Variants in TPD52L1 observed in about 807,000 individuals in gnomAD.
TPD52L1 encodes the protein TPD52 like 1, also known as tumor protein D53.
TPD52L1 carries 18 observed loss-of-function variants against 28.7 expected under a neutral mutation model. The observed-to-expected ratio is 0.63, with a 90% CI of 0.43 to 0.93. The LOEUF is 0.93. TPD52L1 is among the 40% of genes least tolerant of loss of function. The pLI is 0.00. For synonymous variants in TPD52L1, 75 were observed against 88.8 expected (o/e 0.84, Z 0.88); for missense variants, 203 against 254.8 (o/e 0.80, Z 1.39).
chr6:125,204,038 A>G (rs1383294981), intron 1 of TPD52L1, among the ~76,000 whole-genome samples: 1 of 152,160 alleles, frequency 6.6e-6, no homozygotes, highest in Non-Finnish European at 1.5e-5. Context: ...TCAGTTTTCA[A>G]CTTGTCAGGA....
chr6:125,178,656 A>ATATATATATATATATATAT, intron 1 of TPD52L1, among the ~76,000 whole-genome samples: 1 of 149,718 alleles, frequency 6.7e-6, no homozygotes, highest in African/African-American at 2.5e-5. Context: ...AAAACAAAAC[A>ATATATATATATATATATAT]AAATATATAT....
chr6:125,261,669 T>G (rs1407066300), intron 6 of TPD52L1: 1 of 151,922 alleles, frequency 6.6e-6, no homozygotes, highest in Non-Finnish European at 1.5e-5. Context: ...TACATGTTTT[T>G]TTTCCTTTTT....
At chr6:125,171,151 C>T (rs1791273915) in intron 1 of TPD52L1, among the ~76,000 whole-genome samples, 1 of 152,176 alleles carries the variant, frequency 6.6e-6, no homozygotes, top group South Asian at 2.1e-4. Flanking sequence ...TCTTAGGCCC[C>T]ACCCATTTCT....
At chr6:125,244,887 G>C (rs755640289) in intron 3 of TPD52L1, among the ~76,000 whole-genome samples, 17 of 152,202 alleles carry the variant, frequency 1.1e-4, no homozygotes, top group Admixed American at 5.9e-4. Context: ...AAGGCCTGCT[G>C]TTCACATTCT....
At chr6:125,238,158 C>A (rs1407932062) in intron 3 of TPD52L1, among the ~76,000 whole-genome samples, 1 of 152,126 alleles carries the variant, frequency 6.6e-6, no homozygotes, top group Non-Finnish European at 1.5e-5. Context: ...CTAGTTAATC[C>A]AAGTGTTCAA....
intron 2 of TPD52L1, among the ~76,000 whole-genome samples, chr6:125,227,338 G>A (rs915110599): frequency 6.6e-6 from 1 of 152,166 alleles, no homozygotes; most frequent in Non-Finnish European, 1.5e-5. Context: ...GAAAGACTGG[G>A]GGGTTTTATT....
rs1426352513 is a variant in TPD52L1 at position 125,169,725 on chromosome 6, C to A, written c.19+15755C>A. ...CTGCAGGAGCCTCCTAGCAGGCCTC[C>A]CTGCCTTGGTCCTGGACTGCCTTCA... On this transcript the variant is annotated intron_variant, in intron 1 of 6. Transcript: ENST00000534000. 2.0e-5 allele frequency among the ~76,000 whole-genome samples: 3 copies of A among 152,130 alleles called. No individual in the cohort carries two copies. The East Asian group carries it at 5.8e-4, about 29-fold the overall frequency.
chr6:125,210,964 A>C (rs524394), intron 1 of TPD52L1, among the ~76,000 whole-genome samples: 88,507 of 152,074 alleles, frequency 0.58, 27,859 homozygotes, highest in African/African-American at 0.83. Context: ...TCACTATACT[A>C]TCTTGCAATC....
chr6:125,201,584 T>C (rs552148313), intron 1 of TPD52L1, among the ~76,000 whole-genome samples: 7 of 152,182 alleles, frequency 4.6e-5, no homozygotes, highest in Non-Finnish European at 8.8e-5. Context: ...AAGCCAACAA[T>C]GTGTGGTTAA....
At chr6:125,222,443 A>G (rs1012200281) in intron 2 of TPD52L1, among the ~76,000 whole-genome samples, 1 of 152,140 alleles carries the variant, frequency 6.6e-6, no homozygotes, top group Non-Finnish European at 1.5e-5. Flanking sequence ...GGAGTCAGGC[A>G]CTCAGTTGTG....
intron 6 of TPD52L1, among the ~76,000 whole-genome samples, chr6:125,258,100 G>A (rs1233523302): frequency 6.6e-6 from 1 of 152,212 alleles, no homozygotes; most frequent in Non-Finnish European, 1.5e-5. Context: ...GAGGTTGTAA[G>A]TTATTCCTTA....
rs571030582 is a variant in TPD52L1, at chr6:125,192,099, A to G, written c.20-27979A>G. Among the ~76,000 whole-genome samples the G allele has an allele frequency of 2.6e-5, 4 of 152,238 alleles. No homozygotes were observed. The South Asian group carries it at 6.2e-4, about 24-fold the overall frequency. ...CCCTTAGGGCCTTTGTTGTAGGAGA[A>G]TAGTGGGAGGGGCTGAGGTTGGCTT... is the stretch of plus-strand genomic sequence containing the variant. On this transcript the variant is annotated intron_variant, in intron 1 of 6. Transcript: ENST00000534000.
In TPD52L1 at chr6:125,263,095, C is replaced by A; in HGVS notation, c.*133C>A. ...CTTGACATTGTTATTCAAATGGCCC[C>A]TCCAGAAAGTTTAATGATTTCCATT... On this transcript the variant is annotated 3_prime_UTR_variant, in exon 7 of 7. Transcript: ENST00000534000. 1 of 1,107,860 alleles carries A rather than the reference C, an allele frequency of 9.0e-7. No homozygotes were observed. The highest frequency in any genetic ancestry group is 1.2e-6 in the Non-Finnish European group (1 of 805,560). 68.6% of individuals were successfully genotyped at this position (1,107,860 alleles called of 1,614,324 possible). A position where few individuals can be genotyped will look rare whatever the true frequency, so the allele number is the denominator to read the frequency against.
intron 3 of TPD52L1, among the ~76,000 whole-genome samples, chr6:125,235,620 G>A (rs954209558): frequency 6.6e-6 from 1 of 152,080 alleles, no homozygotes; most frequent in Non-Finnish European, 1.5e-5. Flanking sequence ...TGGGGTCTCT[G>A]ATTACTTTGT....
At chr6:125,194,156 T>A (rs79845295) in intron 1 of TPD52L1, among the ~76,000 whole-genome samples, 1 of 152,160 alleles carries the variant, frequency 6.6e-6, no homozygotes, top group East Asian at 1.9e-4. Context: ...TTTACTTAAT[T>A]ATAGGATTAG....
chr6:125,154,669 C>T (rs1393218252), intron 1 of TPD52L1: 1 of 287,856 alleles, frequency 3.5e-6, no homozygotes, highest in Non-Finnish European at 5.2e-6. Flanking sequence ...GGCCTCATAT[C>T]TTGGGGTCAC....
chr6:125,248,185 G>A, intron 3 of TPD52L1, 97 bp from the exon 4 acceptor site: 1 of 989,804 alleles, frequency 1.0e-6, no homozygotes, highest in Non-Finnish European at 1.5e-6. Flanking sequence ...TAAATCTGTT[G>A]AGGAAAGGAC....
At chr6:125,172,108 CTTTCTTT>C (rs1562209980) in intron 1 of TPD52L1, among the ~76,000 whole-genome samples, 1,033 of 69,422 alleles carry the variant, frequency 0.015, 25 homozygotes, top group Middle Eastern at 0.029. Flanking sequence ...CCCTTTCTTT[CTTTCTTT>C]CTTTCTTTCT....
chr6:125,195,245 G>A (rs1161320278), intron 1 of TPD52L1, among the ~76,000 whole-genome samples: 2 of 152,176 alleles, frequency 1.3e-5, no homozygotes, highest in African/African-American at 4.8e-5. Context: ...TGTCCCTGTT[G>A]TTGTTTGAGT....
Sources: allele counts gnomAD v4.1 joint callset (sites outside exome capture counted in the v4.1 genomes callset), GRCh38; gene constraint gnomAD v4.1.1; transcripts MANE v1.5; gene names NCBI Gene and HGNC (gene_info 2026-07-23, HGNC 2026-07-21).